TNR: variants seen among roughly 807,000 people sequenced by gnomAD.
TNR encodes tenascin-R.
TNR carries 45 observed loss-of-function variants against 150.4 expected under a neutral mutation model. That is an observed-to-expected ratio of 0.30 (90% confidence interval 0.24 to 0.38). TNR has a LOEUF of 0.38. Among genes scored for constraint, TNR ranks in the 10% least tolerant of loss-of-function variants. TNR has a pLI of 1.00. For synonymous variants in TNR, 687 were observed against 678.4 expected, an observed-to-expected ratio of 1.01 and a Z score of -0.20; for missense variants, 1,544 against 1,759.1, an observed-to-expected ratio of 0.88 and a Z score of 2.19.
chr1:175,455,072 T>A (rs377571969), intron 2 of TNR, among the ~76,000 whole-genome samples: 1 of 152,216 alleles, frequency 6.6e-6, no homozygotes, highest in Non-Finnish European at 1.5e-5. Context: ...TAAGCCACCA[T>A]GCTGGAGAGG....
intron 1 of TNR, among the ~76,000 whole-genome samples, chr1:175,703,058 TA>T (rs11320291): frequency 0.085 from 12,197 of 143,710 alleles, 581 homozygotes; most frequent in East Asian, 0.17. Context: ...AGGAAAGAAG[TA>T]AAAAAAAAAA....
At chr1:175,440,417 C>A (rs147416238) in intron 2 of TNR, among the ~76,000 whole-genome samples, 14 of 151,572 alleles carry the variant, frequency 9.2e-5, no homozygotes, top group Non-Finnish European at 1.8e-4. Context: ...GGAAATACAC[C>A]TAATGCTAAA....
intron 2 of TNR, among the ~76,000 whole-genome samples, chr1:175,465,906 G>A (rs1374739865): frequency 6.6e-6 from 1 of 152,236 alleles, no homozygotes; most frequent in African/African-American, 2.4e-5. Context: ...CCACAGTGGT[G>A]TGGAGTAGCT....
At chr1:175,336,166 T>G (rs1347921895) in intron 19 of TNR, among the ~76,000 whole-genome samples, 1 of 152,184 alleles carries the variant, frequency 6.6e-6, no homozygotes, top group East Asian at 1.9e-4. Context: ...CACTACAGAG[T>G]GCAGTAGAAA....
intron 2 of TNR, among the ~76,000 whole-genome samples, chr1:175,496,565 CATTT>C (rs2102144862): frequency 6.6e-6 from 1 of 152,306 alleles, no homozygotes; most frequent in East Asian, 1.9e-4. Flanking sequence ...TAGCGCTTAA[CATTT>C]ATTAACTGCT....
rs552840854 is a variant in TNR at position 175,655,013 on chromosome 1, C to T, written c.-165+88213G>A. Among the ~76,000 whole-genome samples, 3 of 152,268 alleles carry T rather than the reference C, an allele frequency of 2.0e-5. No individual in the cohort carries two copies. In the East Asian group the frequency reaches 5.8e-4, roughly 29 times the overall value. ...CTGGGATTACAGGCGTGAGCCACTGCGCCCAGCCCAAAAGGTCCCTTCTAT... is the reference window on the plus strand; with the variant it reads ...CTGGGATTACAGGCGTGAGCCACTGTGCCCAGCCCAAAAGGTCCCTTCTAT... On this transcript the variant is annotated intron_variant, in intron 1 of 22. Coordinates refer to ENST00000367674, the MANE Select transcript of TNR (RefSeq NM_003285.3).
At chr1:175,624,589 C>T (rs1314389772) in intron 1 of TNR, among the ~76,000 whole-genome samples, 2 of 152,118 alleles carry the variant, frequency 1.3e-5, no homozygotes, top group East Asian at 1.9e-4. Flanking sequence ...GAAGCTGGGA[C>T]GAGGTGAAGA....
chr1:175,741,846 T>G (rs147126389), intron 1 of TNR, among the ~76,000 whole-genome samples: 2 of 152,160 alleles, frequency 1.3e-5, no homozygotes, highest in Non-Finnish European at 2.9e-5. Flanking sequence ...TAGGGTCCAT[T>G]TGGGGTTGGA....
chr1:175,709,428 AGT>A (rs2101934254), intron 1 of TNR, among the ~76,000 whole-genome samples: 1 of 152,290 alleles, frequency 6.6e-6, no homozygotes, highest in African/African-American at 2.4e-5. Context: ...ATAAGACCAA[AGT>A]TCAAATGAGC....
At chr1:175,486,773 T>C (rs1465992183) in intron 2 of TNR, among the ~76,000 whole-genome samples, 1 of 152,242 alleles carries the variant, frequency 6.6e-6, no homozygotes, top group East Asian at 1.9e-4. Flanking sequence ...CTCCACATCA[T>C]CTCCAGCATC....
At chr1:175,541,343 C>T (rs1400339091) in intron 1 of TNR, among the ~76,000 whole-genome samples, 1 of 152,200 alleles carries the variant, frequency 6.6e-6, no homozygotes, top group East Asian at 1.9e-4. Context: ...CAGCTCCCTG[C>T]CCCTATGGCT....
At chr1:175,486,388 T>C (rs1236612773) in intron 2 of TNR, among the ~76,000 whole-genome samples, 2 of 152,066 alleles carry the variant, frequency 1.3e-5, no homozygotes, top group Admixed American at 1.3e-4. Flanking sequence ...TGGTTTTCTG[T>C]TCTTGTGTTA....
chr1:175,711,195 C>G (rs1667003553), intron 1 of TNR, among the ~76,000 whole-genome samples: 2 of 152,098 alleles, frequency 1.3e-5, no homozygotes, highest in Non-Finnish European at 2.9e-5. Flanking sequence ...AAAGACAGAG[C>G]CAAGTAGGAG....
chr1:175,632,140 G>A (rs1571695585), intron 1 of TNR, among the ~76,000 whole-genome samples: 2 of 152,330 alleles, frequency 1.3e-5, no homozygotes, highest in Middle Eastern at 3.4e-3. Flanking sequence ...CCCTTGCAGA[G>A]GGGCCATTTA....
intron 1 of TNR, among the ~76,000 whole-genome samples, chr1:175,573,087 C>A (rs1465865804): frequency 6.6e-6 from 1 of 152,138 alleles, no homozygotes; most frequent in Non-Finnish European, 1.5e-5. Context: ...TTTTAGTGGT[C>A]CAAATTGATC....
At chr1:175,498,255 G>A (rs771419299) in intron 2 of TNR, among the ~76,000 whole-genome samples, 21 of 152,168 alleles carry the variant, frequency 1.4e-4, no homozygotes, top group Admixed American at 3.3e-4. Context: ...CCCCACTACA[G>A]GCTACATTAT....
intron 1 of TNR, among the ~76,000 whole-genome samples, chr1:175,596,471 T>C (rs1663012553): frequency 6.6e-6 from 1 of 152,210 alleles, no homozygotes; most frequent in African/African-American, 2.4e-5. Flanking sequence ...CTGTGGGCTC[T>C]TCTGCTACTC....
intron 1 of TNR, among the ~76,000 whole-genome samples, chr1:175,709,794 G>C (rs1177843923): frequency 1.3e-5 from 2 of 151,850 alleles, no homozygotes; most frequent in Non-Finnish European, 1.5e-5. Flanking sequence ...GCACCCTACT[G>C]CTTCATTCAA....
At chr1:175,345,330 G>A (rs768459226) in intron 18 of TNR, among the ~76,000 whole-genome samples, 25 of 152,096 alleles carry the variant, frequency 1.6e-4, no homozygotes, top group Non-Finnish European at 3.1e-4. Flanking sequence ...AAAGGGACAC[G>A]AGCTCACAGG....
Sources: allele counts gnomAD v4.1 joint callset (sites outside exome capture counted in the v4.1 genomes callset), GRCh38; gene constraint gnomAD v4.1.1; transcripts MANE v1.5; gene names NCBI Gene and HGNC (gene_info 2026-07-23, HGNC 2026-07-21).